B3GALT1: variants seen among roughly 807,000 people sequenced by gnomAD.
B3GALT1 encodes the protein UDP-Gal:betaGlcNAc beta 1,3-galactosyltransferase, polypeptide 1.
A neutral mutation model predicts 23.2 loss-of-function variants in B3GALT1; 10 were observed. The observed-to-expected ratio is 0.43, with a 90% CI of 0.27 to 0.73. The LOEUF (loss-of-function observed/expected upper bound fraction) is 0.73, where lower values mean the gene tolerates loss of function less well. B3GALT1 is among the 30% of genes least tolerant of loss of function. The pLI is 0.21. For synonymous variants in B3GALT1, 156 were observed against 141.5 expected, an observed-to-expected ratio of 1.10 and a Z score of -0.73; for missense variants, 299 against 405.4, an observed-to-expected ratio of 0.74 and a Z score of 2.25.
chr2:167,516,949 T>A (rs573441940), intron 2 of B3GALT1, among the ~76,000 whole-genome samples: 1 of 94,514 alleles, frequency 1.1e-5, no homozygotes, highest in Non-Finnish European at 1.8e-5. Flanking sequence ...CTTCTGTGTG[T>A]GTATATATAT....
At chr2:167,410,950 A>G (rs1379278021) in intron 1 of B3GALT1, among the ~76,000 whole-genome samples, 1 of 152,086 alleles carries the variant, frequency 6.6e-6, no homozygotes, top group East Asian at 1.9e-4. Context: ...GAAAATGTTG[A>G]TGCTATACAA....
chr2:167,728,588 T>G (rs964884425), intron 3 of B3GALT1, among the ~76,000 whole-genome samples: 1 of 152,218 alleles, frequency 6.6e-6, no homozygotes, highest in South Asian at 2.1e-4. Flanking sequence ...GTCACGACTT[T>G]CTGATCTGCT....
chr2:167,547,693 C>CAAAAAAA (rs71031296), intron 2 of B3GALT1, among the ~76,000 whole-genome samples: 78 of 75,504 alleles, frequency 1.0e-3, no homozygotes, highest in African/African-American at 2.1e-3. Context: ...GACTCTGTCT[C>CAAAAAAA]AAAAAAAAAA....
chr2:167,586,380 A>G (rs1227141), intron 2 of B3GALT1, among the ~76,000 whole-genome samples: 11,047 of 152,098 alleles, frequency 0.073, 821 homozygotes, highest in African/African-American at 0.19. Flanking sequence ...GCTCACTGCA[A>G]CCTCCGCCTC....
At chr2:167,434,379 T>G (rs1698746644) in intron 1 of B3GALT1, among the ~76,000 whole-genome samples, 1 of 152,136 alleles carries the variant, frequency 6.6e-6, no homozygotes, top group African/African-American at 2.4e-5. Flanking sequence ...ATTCCCCAGT[T>G]TAAACAGTAT....
At chr2:167,820,583 AAC>A (rs1209648506) in intron 4 of B3GALT1, among the ~76,000 whole-genome samples, 1 of 152,192 alleles carries the variant, frequency 6.6e-6, no homozygotes, top group Non-Finnish European at 1.5e-5. Context: ...GACTGCAAAG[AAC>A]AGAGTGCCCC....
chr2:167,535,237 A>G (rs1167815194), intron 2 of B3GALT1, among the ~76,000 whole-genome samples: 1 of 152,184 alleles, frequency 6.6e-6, no homozygotes, highest in Non-Finnish European at 1.5e-5. Flanking sequence ...CATTTATGGT[A>G]GGGATGAGTG....
At chr2:167,809,797 A>G (rs1558986625) in intron 3 of B3GALT1, among the ~76,000 whole-genome samples, 2 of 151,718 alleles carry the variant, frequency 1.3e-5, no homozygotes, top group Non-Finnish European at 1.5e-5. Flanking sequence ...GAGAACCACT[A>G]CTCTCTTCAA....
At chr2:167,459,189 C>A (rs1000374362) in intron 1 of B3GALT1, among the ~76,000 whole-genome samples, 1 of 152,072 alleles carries the variant, frequency 6.6e-6, no homozygotes, top group Non-Finnish European at 1.5e-5. Context: ...TTTTATTCCT[C>A]ACACCCTTAT....
chr2:167,586,008 C>T (rs1448340097), intron 2 of B3GALT1, among the ~76,000 whole-genome samples: 1 of 152,106 alleles, frequency 6.6e-6, no homozygotes, highest in Non-Finnish European at 1.5e-5. Context: ...GGCTTAATAC[C>T]TAGGGCAGCA....
At chr2:167,483,808 C>G (rs1312212640) in intron 1 of B3GALT1, among the ~76,000 whole-genome samples, 1 of 152,174 alleles carries the variant, frequency 6.6e-6, no homozygotes, top group Non-Finnish European at 1.5e-5. Context: ...GCCTGCTTTT[C>G]CAATGAAGAT....
intron 4 of B3GALT1, among the ~76,000 whole-genome samples, chr2:167,858,080 AT>A: frequency 6.6e-6 from 1 of 152,272 alleles, no homozygotes; most frequent in East Asian, 1.9e-4. Flanking sequence ...GGCTATGTAA[AT>A]ATTATTCGGA....
intron 3 of B3GALT1, among the ~76,000 whole-genome samples, chr2:167,747,684 G>T (rs1450425969): frequency 6.6e-6 from 1 of 152,212 alleles, no homozygotes; most frequent in African/African-American, 2.4e-5. Flanking sequence ...AGTCTAGCTA[G>T]CCCAGGGAAC....
intron 2 of B3GALT1, among the ~76,000 whole-genome samples, chr2:167,629,327 TA>T (rs1685399489): frequency 6.6e-6 from 1 of 151,792 alleles, no homozygotes; most frequent in Non-Finnish European, 1.5e-5. Flanking sequence ...GGCCTGAAGT[TA>T]TTAAACTTTG....
intron 2 of B3GALT1, among the ~76,000 whole-genome samples, chr2:167,565,960 A>T (rs557776640): frequency 2.0e-5 from 3 of 152,216 alleles, no homozygotes; most frequent in African/African-American, 7.2e-5. Context: ...TCAGGGATGT[A>T]GAACTAGAAA....
At chr2:167,810,560 A>G (rs1688866333) in intron 3 of B3GALT1, among the ~76,000 whole-genome samples, 1 of 151,070 alleles carries the variant, frequency 6.6e-6, no homozygotes, top group Non-Finnish European at 1.5e-5. Flanking sequence ...CAATGAATAT[A>G]GGCAGCAACA....
At chr2:167,418,137 A>C (rs1246042717) in intron 1 of B3GALT1, among the ~76,000 whole-genome samples, 1 of 152,212 alleles carries the variant, frequency 6.6e-6, no homozygotes, top group African/African-American at 2.4e-5. Context: ...GTTTGAAAGC[A>C]ATTTTAGGAG....
intron 3 of B3GALT1, among the ~76,000 whole-genome samples, chr2:167,664,941 GA>G (rs1558941596): frequency 6.7e-6 from 1 of 149,844 alleles, no homozygotes; most frequent in African/African-American, 2.5e-5. Context: ...TTTCCTAATT[GA>G]ATACCCTTTA....
At chr2:167,689,137 G>C (rs80268098) in intron 3 of B3GALT1, among the ~76,000 whole-genome samples, 1,203 of 42,242 alleles carry the variant, frequency 0.028, 10 homozygotes, top group African/African-American at 0.073. Flanking sequence ...CCCCCAAAAA[G>C]ACCAAAAAAA....
Sources: gnomAD v4.1 joint callset for allele counts (sites outside exome capture counted in the v4.1 genomes callset) on GRCh38, gnomAD v4.1.1 for gene constraint, MANE v1.5 for transcripts, NCBI Gene and HGNC (gene_info 2026-07-23, HGNC 2026-07-21) for gene names.